The following CELF1 variants were observed in gnomAD, a reference collection of about 807,000 sequenced individuals.
The protein encoded by CELF1 is CUGBP Elav-like family member 1.
In CELF1, 10 loss-of-function variants were observed where a neutral mutation model predicts 61.8. That is an observed-to-expected ratio of 0.16 (90% confidence interval 0.10 to 0.27). CELF1 has a LOEUF of 0.27. CELF1 is among the 10% of genes least tolerant of loss of function. The pLI is 1.00. For synonymous variants in CELF1, 236 were observed against 225.1 expected (o/e 1.05, Z -0.43); for missense variants, 380 against 639.1 (o/e 0.59, Z 4.37).
At chr11:47,556,377 G>T (rs1290169742), upstream of CELF1, among the ~76,000 whole-genome samples, 1 of 152,106 alleles carries the variant, frequency 6.6e-6, no homozygotes, top group Admixed American at 6.6e-5. Flanking sequence ...AGAGACAGGG[G>T]TCTCACTATG....
intron 1 of CELF1, among the ~76,000 whole-genome samples, chr11:47,539,725 A>G (rs2096726609): frequency 6.6e-6 from 1 of 152,214 alleles, no homozygotes. Context: ...AACTCCAAAC[A>G]GGCCCACACC....
chr11:47,494,484 C>T, intron 3 of CELF1: 9 of 983,796 alleles, frequency 9.1e-6, no homozygotes, highest in Non-Finnish European at 1.1e-5. Flanking sequence ...GGAAGAGACA[C>T]ACGAGGGAAC....
intron 1 of CELF1, among the ~76,000 whole-genome samples, chr11:47,529,023 C>T (rs923906817): frequency 1.3e-5 from 2 of 152,074 alleles, no homozygotes; most frequent in South Asian, 4.1e-4. Context: ...ACTTCAGCCT[C>T]CCAAGTATCT....
rs1188896108 is a variant in CELF1 at position 47,565,501 on chromosome 11, C to G, written c.-357G>C. The G allele has an allele frequency of 2.4e-5, 21 of 885,152 alleles. 1 individual carries two copies. The highest frequency in any genetic ancestry group is 4.2e-4 in the Middle Eastern group (1 of 2,370). The allele number at this position is 885,152 out of a possible 1,614,324, so 54.8% of individuals were successfully genotyped here. ...AGTCCAGGCCAGTCCCCGCCGTCAC[C>G]CGGTGCGAGCCCGCGAGAGGCCTAG... On this transcript the variant is annotated 5_prime_UTR_variant, in exon 1 of 4. Transcript: ENST00000525841.
chr11:47,506,151 G>A (rs1232344821), intron 1 of CELF1, among the ~76,000 whole-genome samples: 1 of 150,898 alleles, frequency 6.6e-6, no homozygotes, highest in Non-Finnish European at 1.5e-5. Flanking sequence ...TGCAGGCTGG[G>A]CGCGGTGGCT....
chr11:47,466,379 T>C lies in CELF1; in HGVS notation c.*5851A>G, dbSNP rs991337982. ...CGACTGAGTTGATTGAATCCCGTTG[T>C]TGCTGCAGAACAGACTGTGCGTTTG... On this transcript the variant is annotated 3_prime_UTR_variant, in exon 15 of 15. Coordinates refer to ENST00000687097, the MANE Select transcript of CELF1 (RefSeq NM_001376376.1). The C allele has an allele frequency of 9.2e-5, 14 of 152,252 alleles. No individual in the cohort carries two copies. Among genetic ancestry groups the C allele is most frequent in the Admixed American group, 7.2e-4 (11 of 15,290 alleles). 9.4% of individuals were successfully genotyped at this position (152,252 alleles called of 1,614,324 possible).
chr11:47,493,750 T>C (rs1313965098), intron 3 of CELF1, among the ~76,000 whole-genome samples: 4 of 152,090 alleles, frequency 2.6e-5, no homozygotes, highest in Admixed American at 2.6e-4. Context: ...TATGGTCCCT[T>C]AACACAGCTT....
intron 3 of CELF1, among the ~76,000 whole-genome samples, chr11:47,499,175 C>A (rs2093589234): frequency 6.6e-6 from 1 of 152,034 alleles, no homozygotes; most frequent in South Asian, 2.1e-4. Context: ...TATAGGAAAA[C>A]ACTACAGCTT....
Position 47,541,748 on chromosome 11 carries a change from A to C in CELF1, c.-154+11244T>G, listed in dbSNP as rs1171153375. ...AAAGAACGAAAGAAAGAACGAAAGAAAGAAAGAACGAAAGAAAGAACGAAA... is the reference window on the plus strand; with the variant it reads ...AAAGAACGAAAGAAAGAACGAAAGACAGAAAGAACGAAAGAAAGAACGAAA... On this transcript the variant is annotated intron_variant, in intron 1 of 14. Transcript: ENST00000687097. Among the ~76,000 whole-genome samples the C allele has an allele frequency of 8.0e-3, 75 of 9,394 alleles. 16 individuals carry two copies. Among genetic ancestry groups the C allele is most frequent in the African/African-American group, 0.018 (71 of 3,922 alleles). The allele number at this position is 9,394 out of a possible 152,430, so 6.2% of individuals were successfully genotyped here. A position where few individuals can be genotyped will look rare whatever the true frequency, so the allele number is the denominator to read the frequency against.
chr11:47,491,576 C>A (rs2091490908), intron 3 of CELF1, among the ~76,000 whole-genome samples: 1 of 152,192 alleles, frequency 6.6e-6, no homozygotes, highest in Non-Finnish European at 1.5e-5. Flanking sequence ...ATTCCTAACC[C>A]TATATCTGTG....
chr11:47,502,277 T>C (rs1188477456), intron 1 of CELF1, among the ~76,000 whole-genome samples: 1 of 152,154 alleles, frequency 6.6e-6, no homozygotes, highest in East Asian at 1.9e-4. Context: ...GAAATGTTAT[T>C]ACATGAAAGA....
At chr11:47,564,749 C>T (rs565502466) in intron 1 of CELF1, among the ~76,000 whole-genome samples, 1 of 152,168 alleles carries the variant, frequency 6.6e-6, no homozygotes, top group Non-Finnish European at 1.5e-5. Context: ...TGAGATCTTG[C>T]GACTGCCCTC....
At chr11:47,558,139 G>A (rs1019544452) in intron 2 of CELF1, among the ~76,000 whole-genome samples, 4 of 152,062 alleles carry the variant, frequency 2.6e-5, no homozygotes, top group Admixed American at 2.0e-4. Context: ...TTATAGGCGT[G>A]AGCCACCGCG....
intron 1 of CELF1, among the ~76,000 whole-genome samples, chr11:47,525,563 C>A (rs1332169582): frequency 6.6e-6 from 1 of 152,192 alleles, no homozygotes; most frequent in African/African-American, 2.4e-5. Context: ...CCACTCACTT[C>A]GGCTTGCCAA....
At chr11:47,515,268 G>A (rs764729518) in intron 1 of CELF1, among the ~76,000 whole-genome samples, 3 of 152,204 alleles carry the variant, frequency 2.0e-5, no homozygotes, top group Admixed American at 1.3e-4. Context: ...CAGAAGTGAG[G>A]GAGGTGGAGG....
At chr11:47,537,823 T>C (rs1023582566) in intron 1 of CELF1, among the ~76,000 whole-genome samples, 2 of 152,158 alleles carry the variant, frequency 1.3e-5, no homozygotes, top group African/African-American at 2.4e-5. Flanking sequence ...TGTAACACTA[T>C]AGACTGTAAA....
chr11:47,544,609 C>G (rs1182684101), intron 1 of CELF1, among the ~76,000 whole-genome samples: 1 of 152,208 alleles, frequency 6.6e-6, no homozygotes, highest in East Asian at 1.9e-4. Context: ...TCCAGATTTT[C>G]ATCAAAATTT....
chr11:47,548,506 G>A (rs1033630474), intron 1 of CELF1, among the ~76,000 whole-genome samples: 11 of 152,118 alleles, frequency 7.2e-5, no homozygotes, highest in African/African-American at 2.2e-4. Flanking sequence ...AATCGACAAA[G>A]TGAAAGACAA....
At chr11:47,487,089 C>A in intron 5 of CELF1, 70 bp downstream of exon 5, 1 of 1,212,394 alleles carries the variant, frequency 8.2e-7, no homozygotes, top group South Asian at 1.3e-5. Context: ...CAGTGTGTGT[C>A]TGATATGTGT....
Sources: allele counts gnomAD v4.1 joint callset (sites outside exome capture counted in the v4.1 genomes callset), GRCh38; gene constraint gnomAD v4.1.1; transcripts MANE v1.5; gene names NCBI Gene and HGNC (gene_info 2026-07-23, HGNC 2026-07-21).